The following GRIA1 variants were observed in gnomAD, a reference collection of about 807,000 sequenced individuals.
GRIA1 encodes glutamate ionotropic receptor AMPA type subunit 1.
In GRIA1, 31 loss-of-function variants were observed where a neutral mutation model predicts 99.2. The ratio of observed to expected loss-of-function variants is 0.31; its 90% confidence interval spans 0.23 to 0.42. The LOEUF (loss-of-function observed/expected upper bound fraction) is 0.42. Among genes scored for constraint, GRIA1 ranks in the 10% least tolerant of loss-of-function variants. The pLI is 1.00. For synonymous variants in GRIA1, 438 were observed against 432.4 expected, an observed-to-expected ratio of 1.01 and a Z score of -0.16; for missense variants, 782 against 1,157.5, an observed-to-expected ratio of 0.68 and a Z score of 4.71.
Position 153,576,084 on chromosome 5 carries a change from C to T in GRIA1, c.221-70844C>T, listed in dbSNP as rs528236854. On this transcript the variant is annotated intron_variant, in intron 2 of 15. Transcript: ENST00000285900. ...TTCTACTTCTACCGCTTGTTAGTAA[C>T]CTATTCTTGATCCACCATCTAACTT... is the stretch of plus-strand genomic sequence containing the variant. Among the ~76,000 whole-genome samples the T allele has an allele frequency of 8.7e-4, 133 of 152,300 alleles. 1 individual carries two copies. In the South Asian group the frequency reaches 0.01, roughly 12 times the overall value.
At chr5:153,578,180 AAG>A (rs1762741304) in intron 2 of GRIA1, among the ~76,000 whole-genome samples, 1 of 150,282 alleles carries the variant, frequency 6.7e-6, no homozygotes. Flanking sequence ...AAAAGAAAGA[AAG>A]AAGAAAGAAA....
intron 11 of GRIA1, among the ~76,000 whole-genome samples, chr5:153,754,324 A>C (rs953840516): frequency 6.6e-6 from 1 of 152,182 alleles, no homozygotes; most frequent in Non-Finnish European, 1.5e-5. Flanking sequence ...TCAGACTTTG[A>C]ACTTCTTCCC....
chr5:153,667,878 A>C (rs532535591), intron 5 of GRIA1, among the ~76,000 whole-genome samples: 1 of 152,240 alleles, frequency 6.6e-6, no homozygotes, highest in East Asian at 1.9e-4. Context: ...TAATTACTTG[A>C]AATGCCTTTT....
At chr5:153,638,792 A>G (rs1186774046) in intron 2 of GRIA1, among the ~76,000 whole-genome samples, 1 of 152,258 alleles carries the variant, frequency 6.6e-6, no homozygotes, top group Non-Finnish European at 1.5e-5. Flanking sequence ...TAAGACGCAC[A>G]CATTTTTATG....
intron 11 of GRIA1, among the ~76,000 whole-genome samples, chr5:153,724,174 C>T (rs906875797): frequency 6.6e-6 from 1 of 152,144 alleles, no homozygotes; most frequent in Non-Finnish European, 1.5e-5. Flanking sequence ...AACAGACCTG[C>T]AGCTGAGGGT....
intron 11 of GRIA1, among the ~76,000 whole-genome samples, chr5:153,711,076 G>C (rs1428274500): frequency 1.3e-5 from 2 of 152,184 alleles, no homozygotes; most frequent in Non-Finnish European, 2.9e-5. Context: ...GGCTTACAGT[G>C]AATCAAGAGA....
intron 1 of GRIA1, among the ~76,000 whole-genome samples, chr5:153,491,789 C>T (rs1401352850): frequency 6.6e-6 from 1 of 152,168 alleles, no homozygotes; most frequent in African/African-American, 2.4e-5. Context: ...AACTTGGAGG[C>T]AGGTTTCAAC....
chr5:153,548,881 T>G (rs189674530), intron 2 of GRIA1, among the ~76,000 whole-genome samples: 1 of 152,202 alleles, frequency 6.6e-6, no homozygotes, highest in East Asian at 1.9e-4. Context: ...GTTATTATAT[T>G]ATGAGCATCT....
At chr5:153,623,746 A>AAT (rs1767293963) in intron 2 of GRIA1, among the ~76,000 whole-genome samples, 2 of 152,204 alleles carry the variant, frequency 1.3e-5, no homozygotes. Flanking sequence ...TGCCACCCAA[A>AAT]ATATATGCAT....
chr5:153,507,219 C>G (rs1419395130), intron 2 of GRIA1, among the ~76,000 whole-genome samples: 1 of 152,116 alleles, frequency 6.6e-6, no homozygotes, highest in Non-Finnish European at 1.5e-5. Context: ...ATCAGCAAAT[C>G]CAGCTACTTA....
At chr5:153,762,510 G>A (rs1338188130) in intron 11 of GRIA1, among the ~76,000 whole-genome samples, 1 of 152,128 alleles carries the variant, frequency 6.6e-6, no homozygotes, top group Admixed American at 6.5e-5. Context: ...GGGGCACTGG[G>A]GGAGTGATTT....
At chr5:153,526,210 C>T (rs1004559037) in intron 2 of GRIA1, among the ~76,000 whole-genome samples, 5 of 152,068 alleles carry the variant, frequency 3.3e-5, no homozygotes, top group Admixed American at 6.6e-5. Context: ...TAAAATGTAC[C>T]GCAGTTGCTC....
chr5:153,809,796 G>A (rs1766688361), intron 15 of GRIA1, among the ~76,000 whole-genome samples: 1 of 152,224 alleles, frequency 6.6e-6, no homozygotes, highest in African/African-American at 2.4e-5. Flanking sequence ...ACAAGAGAAT[G>A]TATACTGCAC....
In GRIA1 at chr5:153,490,724, A is replaced by G. The variant is rs1004846432; in HGVS notation, c.-165A>G. 1 of 703,034 alleles carries G rather than the reference A, an allele frequency of 1.4e-6. No homozygotes were observed. The highest frequency in any genetic ancestry group is 1.8e-5 in the African/African-American group (1 of 56,584). The allele number at this position is 703,034 out of a possible 1,614,324, so 43.5% of individuals were successfully genotyped here. A position where few individuals can be genotyped will look rare whatever the true frequency, so the allele number is the denominator to read the frequency against. ...GCTGCAGTTTAAGTGTTCGGATTCCAAGGGAAACAGACAAACCTCACGAAA... is the reference window on the plus strand; with the variant it reads ...GCTGCAGTTTAAGTGTTCGGATTCCGAGGGAAACAGACAAACCTCACGAAA... On this transcript the variant is annotated 5_prime_UTR_variant, in exon 1 of 16. Transcript: ENST00000285900.
chr5:153,754,494 T>C (rs539617902), intron 11 of GRIA1, among the ~76,000 whole-genome samples: 2 of 152,274 alleles, frequency 1.3e-5, no homozygotes, highest in Admixed American at 6.5e-5. Context: ...AAATGTCAAT[T>C]AAAAGAGAAC....
chr5:153,798,807 C>A (rs757793747), intron 14 of GRIA1, among the ~76,000 whole-genome samples: 1 of 152,102 alleles, frequency 6.6e-6, no homozygotes, highest in Non-Finnish European at 1.5e-5. Flanking sequence ...ACAGAGGGAA[C>A]CTGAGACAGT....
At chr5:153,668,863 C>T (rs925589287) in intron 5 of GRIA1, among the ~76,000 whole-genome samples, 2 of 152,224 alleles carry the variant, frequency 1.3e-5, no homozygotes, top group Non-Finnish European at 2.9e-5. Context: ...ATTAACTGTG[C>T]CAGCCACAGT....
At chr5:153,655,755 C>A in intron 4 of GRIA1, 64 bp from the exon 5 acceptor site, 1 of 1,373,896 alleles carries the variant, frequency 7.3e-7, no homozygotes, top group Non-Finnish European at 1.0e-6. Flanking sequence ...GCCGTTATTA[C>A]TGTTGTTGTC....
chr5:153,550,521 C>A (rs995158695), intron 2 of GRIA1, among the ~76,000 whole-genome samples: 3 of 151,986 alleles, frequency 2.0e-5, no homozygotes, highest in African/African-American at 7.3e-5. Flanking sequence ...ATTATTGTAC[C>A]TATTCTAATA....
Sources: allele counts gnomAD v4.1 joint callset (sites outside exome capture counted in the v4.1 genomes callset), GRCh38; gene constraint gnomAD v4.1.1; transcripts MANE v1.5; gene names NCBI Gene and HGNC (gene_info 2026-07-23, HGNC 2026-07-21).